ANKRD55: variants seen among roughly 807,000 people sequenced by gnomAD.
ANKRD55 encodes the protein ankyrin repeat domain 55, also known as ankyrin repeat domain-containing protein 55.
Under a neutral mutation model 60.6 loss-of-function variants are expected in ANKRD55, and 41 were observed. The ratio of observed to expected loss-of-function variants is 0.68; its 90% CI spans 0.53 to 0.88. The LOEUF (loss-of-function observed/expected upper bound fraction) is 0.88. ANKRD55 is among the 40% of genes least tolerant of loss of function. The pLI, the probability that ANKRD55 is intolerant of heterozygous loss-of-function variation, is 0.00. For synonymous variants in ANKRD55, 264 were observed against 290.3 expected (o/e 0.91, Z 0.92); for missense variants, 732 against 767.6 (o/e 0.95, Z 0.55).
chr5:56,165,821 C>T (rs140914156), intron 5 of ANKRD55, among the ~76,000 whole-genome samples: 2,050 of 152,022 alleles, frequency 0.013, 33 homozygotes, highest in Non-Finnish European at 0.022. Context: ...CCCAGCTACT[C>T]GGGAGGCTGA....
intron 2 of ANKRD55, among the ~76,000 whole-genome samples, chr5:56,217,923 C>T (rs1394745751): frequency 2.6e-5 from 4 of 151,662 alleles, no homozygotes; most frequent in Admixed American, 6.6e-5. Context: ...ATTCATGATT[C>T]GGGTTTGGAA....
At chr5:56,122,167 G>A (rs987681194) in intron 8 of ANKRD55, among the ~76,000 whole-genome samples, 1 of 151,938 alleles carries the variant, frequency 6.6e-6, no homozygotes, top group African/African-American at 2.4e-5. Flanking sequence ...ATTTATAGCT[G>A]CTCTGTGCCT....
At chr5:56,193,051 A>C in intron 2 of ANKRD55, 1 of 931,592 alleles carries the variant, frequency 1.1e-6, no homozygotes, top group Non-Finnish European at 1.6e-6. Flanking sequence ...TTTTGAAAGC[A>C]GATGATGACA....
chr5:56,198,834 C>A (rs1210668104), intron 2 of ANKRD55, among the ~76,000 whole-genome samples: 1 of 151,856 alleles, frequency 6.6e-6, no homozygotes, highest in Non-Finnish European at 1.5e-5. Context: ...AATCCCAGCA[C>A]TTTGGGAGGC....
intron 2 of ANKRD55, among the ~76,000 whole-genome samples, chr5:56,215,958 A>G (rs986455758): frequency 2.6e-5 from 4 of 151,220 alleles, no homozygotes; most frequent in African/African-American, 9.8e-5. Context: ...TCATGAATAC[A>G]TCTTGGTGGC....
chr5:56,209,566 A>C (rs1759608765), intron 2 of ANKRD55, among the ~76,000 whole-genome samples: 1 of 150,346 alleles, frequency 6.7e-6, no homozygotes, highest in East Asian at 2.0e-4. Flanking sequence ...TCCTGGGTTC[A>C]CGCCATTCTC....
chr5:56,224,923 A>G (rs1760067665), intron 2 of ANKRD55, among the ~76,000 whole-genome samples: 1 of 152,218 alleles, frequency 6.6e-6, no homozygotes, highest in South Asian at 2.1e-4. Flanking sequence ...AGCTGGTACC[A>G]TTCCTTCTGA....
At chr5:56,138,645 G>C (rs751307147) in intron 7 of ANKRD55, among the ~76,000 whole-genome samples, 6 of 152,164 alleles carry the variant, frequency 3.9e-5, no homozygotes, top group Non-Finnish European at 7.3e-5. Flanking sequence ...TCATGTAATG[G>C]AATATTAACC....
rs565063316 is a variant in ANKRD55 at position 56,113,829 on chromosome 5, C to T, written c.966-2047G>A. Reference sequence around the variant, plus strand: ...CACGCCCAGCTAATTTTGGTATTTTCAGTAGAGATGGGGTTTTGCCATCTT... The same window carrying T: ...CACGCCCAGCTAATTTTGGTATTTTTAGTAGAGATGGGGTTTTGCCATCTT... On this transcript the variant is annotated intron_variant, in intron 9 of 11. Transcript: ENST00000341048. Among the ~76,000 whole-genome samples, 3 of 151,828 alleles carry T rather than the reference C, an allele frequency of 2.0e-5. No homozygotes were observed. In the South Asian group the frequency reaches 6.2e-4, roughly 32 times the overall value.
In ANKRD55 at chr5:56,134,211, T is replaced by C; in HGVS notation, c.613-7105A>G. ...GATAACATATTTGAAATGGACCAAT[T>C]CCTTAAAAGACACAATCTACCAAAA... On this transcript the variant is annotated intron_variant, in intron 7 of 11. Coordinates refer to ENST00000341048, the MANE Select transcript of ANKRD55 (RefSeq NM_024669.3). Among the ~76,000 whole-genome samples, 2 of 115,558 alleles carry C rather than the reference T, an allele frequency of 1.7e-5. 1 individual carries two copies. 75.8% of individuals were successfully genotyped at this position (115,558 alleles called of 152,430 possible).
chr5:56,158,849 A>G (rs1482182398), intron 6 of ANKRD55, among the ~76,000 whole-genome samples: 1 of 151,964 alleles, frequency 6.6e-6, no homozygotes, highest in Non-Finnish European at 1.5e-5. Context: ...ATGTGCCACC[A>G]CACCCAGCTA....
chr5:56,208,323 A>G, intron 2 of ANKRD55, among the ~76,000 whole-genome samples: 1 of 152,084 alleles, frequency 6.6e-6, no homozygotes, highest in Non-Finnish European at 1.5e-5. Flanking sequence ...AAATAATGAT[A>G]AAACTATAGT....
At chr5:56,166,110 C>CTTTCTTTCTT (rs1758453063) in intron 5 of ANKRD55, among the ~76,000 whole-genome samples, 7 of 67,808 alleles carry the variant, frequency 1.0e-4, no homozygotes, top group Non-Finnish European at 2.1e-4. Flanking sequence ...TTCTTTCTTT[C>CTTTCTTTCTT]TTTCTTTCTT....
chr5:56,223,233 A>T (rs1760016847), intron 2 of ANKRD55, among the ~76,000 whole-genome samples: 1 of 152,040 alleles, frequency 6.6e-6, no homozygotes. Context: ...TCAACCCAGA[A>T]TTTCATATCC....
chr5:56,179,497 A>G (rs971827151), intron 3 of ANKRD55, among the ~76,000 whole-genome samples: 3 of 152,206 alleles, frequency 2.0e-5, no homozygotes, highest in Non-Finnish European at 4.4e-5. Context: ...CTTTAAAAAA[A>G]TCCAAGGAAA....
intron 2 of ANKRD55, among the ~76,000 whole-genome samples, chr5:56,211,088 A>G (rs956474809): frequency 2.0e-5 from 3 of 152,190 alleles, no homozygotes; most frequent in Admixed American, 6.5e-5. Context: ...GGCACACTCC[A>G]TAAGTCTTGT....
At chr5:56,231,834 C>G (rs1760266950) in intron 2 of ANKRD55, among the ~76,000 whole-genome samples, 1 of 152,104 alleles carries the variant, frequency 6.6e-6, no homozygotes, top group Admixed American at 6.6e-5. Flanking sequence ...AATTCACCCA[C>G]AAAGCCAGAT....
At chr5:56,212,082 ACACACACG>A (rs202196571) in intron 2 of ANKRD55, among the ~76,000 whole-genome samples, 4,462 of 103,170 alleles carry the variant, frequency 0.043, 108 homozygotes, top group East Asian at 0.16. Flanking sequence ...ACACACACAC[ACACACACG>A]CGTACCTATA....
At chr5:56,178,447 A>C (rs899692643) in intron 3 of ANKRD55, among the ~76,000 whole-genome samples, 2 of 151,750 alleles carry the variant, frequency 1.3e-5, no homozygotes, top group African/African-American at 4.8e-5. Flanking sequence ...TGGGGTTCCA[A>C]AATTTATTTT....
Sources: gnomAD v4.1 joint callset for allele counts (sites outside exome capture counted in the v4.1 genomes callset) on GRCh38, gnomAD v4.1.1 for gene constraint, MANE v1.5 for transcripts, NCBI Gene and HGNC (gene_info 2026-07-23, HGNC 2026-07-21) for gene names.